Variants in BCAS3 observed in about 807,000 individuals in gnomAD.
BCAS3 encodes BCAS4/BCAS3 fusion.
BCAS3 carries 53 observed loss-of-function variants against 116.1 expected under a neutral mutation model. That is an observed-to-expected ratio of 0.46 (90% CI 0.37 to 0.57). The LOEUF (loss-of-function observed/expected upper bound fraction) is 0.57, where lower values mean the gene tolerates loss of function less well. BCAS3 is among the 20% of genes least tolerant of loss of function. The probability of loss-of-function intolerance (pLI) is 0.00; values close to 1 mark genes in which losing one functional copy is unlikely to be tolerated. For synonymous variants in BCAS3, 391 were observed against 408.2 expected (o/e 0.96, Z 0.51); for missense variants, 917 against 1,165.4 (o/e 0.79, Z 3.10).
chr17:61,202,504 A>T (rs2080898655), intron 22 of BCAS3, among the ~76,000 whole-genome samples: 1 of 151,426 alleles, frequency 6.6e-6, no homozygotes, highest in Admixed American at 6.6e-5. Flanking sequence ...TTTTTTTTTA[A>T]AATATTACTT....
rs1325091776 is a variant in BCAS3 at position 61,226,938 on chromosome 17, G to A, written c.2426-141389G>A. Reference sequence around the variant, plus strand: ...TTTAATTTGTTGCTTCTAGTCCTGAGGACCAGAAATCCAGATAAATAAAAT... The same window carrying A: ...TTTAATTTGTTGCTTCTAGTCCTGAAGACCAGAAATCCAGATAAATAAAAT... On this transcript the variant is annotated intron_variant, in intron 22 of 23. Coordinates refer to ENST00000407086, the MANE Select transcript of BCAS3 (RefSeq NM_017679.5). The surrounding 1 kb of genome is among the most constrained non-coding windows in gnomAD (Gnocchi z 6.0). Among the ~76,000 whole-genome samples, 1 of 152,070 alleles carries A rather than the reference G, an allele frequency of 6.6e-6. No homozygotes were observed. The highest frequency in any genetic ancestry group is 2.4e-5 in the African/African-American group (1 of 41,404).
chr17:60,799,099 A>G (rs1447624988), intron 6 of BCAS3, among the ~76,000 whole-genome samples: 1 of 152,162 alleles, frequency 6.6e-6, no homozygotes, highest in African/African-American at 2.4e-5. Context: ...TCTAGTCTGT[A>G]GCTTGTCTTC....
At chr17:60,773,691 A>G (rs758785878) in intron 6 of BCAS3, among the ~76,000 whole-genome samples, 2 of 151,938 alleles carry the variant, frequency 1.3e-5, no homozygotes, top group Non-Finnish European at 2.9e-5. Context: ...CCTGTTGTCC[A>G]GGCTGGAAAG....
rs75291755 is a variant in BCAS3 at position 61,008,851 on chromosome 17, G to T, written c.1487-6900G>T. On this transcript the variant is annotated intron_variant, in intron 15 of 23. Transcript: ENST00000407086. The surrounding 1 kb of genome is among the most constrained non-coding windows in gnomAD (Gnocchi z 4.6). ...AAAATAAAGGAGATATTTGGGACTG[G>T]GGCTGTTTCCGTAGAATTGTCTTCT... Among the ~76,000 whole-genome samples, 61 of 152,114 alleles carry T rather than the reference G, an allele frequency of 4.0e-4. No homozygotes were observed. In the East Asian group the frequency reaches 5.0e-3, roughly 12 times the overall value.
At chr17:61,009,329 C>T (rs1346807523) in intron 15 of BCAS3, among the ~76,000 whole-genome samples, 1 of 152,054 alleles carries the variant, frequency 6.6e-6, no homozygotes, top group Non-Finnish European at 1.5e-5. Flanking sequence ...GGACAGTGCT[C>T]TTTTTATCCT....
intron 13 of BCAS3, among the ~76,000 whole-genome samples, chr17:60,925,281 C>G (rs145741248): frequency 6.6e-6 from 1 of 152,204 alleles, no homozygotes; most frequent in Non-Finnish European, 1.5e-5. Context: ...GAAGTTAAGT[C>G]TAGAGGTATA....
intron 12 of BCAS3, among the ~76,000 whole-genome samples, chr17:60,911,119 C>CTTTTTTTTTTTTTTT (rs1567849303): frequency 6.8e-4 from 24 of 35,242 alleles, no homozygotes; most frequent in South Asian, 1.6e-3. Flanking sequence ...TTCTTTTTTT[C>CTTTTTTTTTTTTTTT]TTTCTTTTTT....
At position 61,347,883 on chromosome 17, in the gene BCAS3, G is replaced by T. The variant is rs1176374197; in HGVS notation, c.2426-20444G>T. 6.6e-6 allele frequency among the ~76,000 whole-genome samples: 1 copy of T among 152,316 alleles called. No individual in the cohort carries two copies. Among genetic ancestry groups the T allele is most frequent in the East Asian group, 1.9e-4 (1 of 5,184 alleles). Reference sequence around the variant, plus strand: ...AGATGCACAGACACAGGGGCAAGGCGCAAGGTGGGGTGTAGCGTTCAGAGT... The same window carrying T: ...AGATGCACAGACACAGGGGCAAGGCTCAAGGTGGGGTGTAGCGTTCAGAGT... On this transcript the variant is annotated intron_variant, in intron 22 of 23. Transcript: ENST00000407086. This position sits in a 1 kb window ranked among gnomAD's most constrained non-coding sequence, Gnocchi z 4.3.
chr17:61,382,419 C>A (rs1207755833), intron 23 of BCAS3, among the ~76,000 whole-genome samples: 2 of 151,506 alleles, frequency 1.3e-5, no homozygotes, highest in Non-Finnish European at 2.9e-5. Context: ...CGCCACCACA[C>A]CCAGCTAATT....
rs189757359 is a variant in BCAS3 at position 61,233,870 on chromosome 17, C to T, written c.2426-134457C>T. Among the ~76,000 whole-genome samples, 1 of 152,252 alleles carries T rather than the reference C, an allele frequency of 6.6e-6. No homozygotes were observed. The highest frequency in any genetic ancestry group is 1.5e-5 in the Non-Finnish European group (1 of 68,014). Reference sequence around the variant, plus strand: ...CTCTCTCTGGCTTCAGTTCTGGCCCCTGAGGCTCTTTCCTGTCTAGTTGAG... The same window carrying T: ...CTCTCTCTGGCTTCAGTTCTGGCCCTTGAGGCTCTTTCCTGTCTAGTTGAG... On this transcript the variant is annotated intron_variant, in intron 22 of 23. Coordinates refer to ENST00000407086, the MANE Select transcript of BCAS3 (RefSeq NM_017679.5). The surrounding 1 kb of genome is among the most constrained non-coding windows in gnomAD (Gnocchi z 4.3).
chr17:60,747,395 C>A (rs1046984805), intron 6 of BCAS3, 116 bp downstream of exon 6: 48 of 741,104 alleles, frequency 6.5e-5, no homozygotes, highest in African/African-American at 6.0e-4. Context: ...GTGTCCATTC[C>A]CCTTCCCCAC....
chr17:61,344,414 T>C lies in BCAS3; in HGVS notation c.2426-23913T>C, dbSNP rs1348149719. 1.3e-5 allele frequency among the ~76,000 whole-genome samples: 2 copies of C among 152,238 alleles called. No homozygotes were observed. The highest frequency in any genetic ancestry group is 2.9e-5 in the Non-Finnish European group (2 of 68,036). On this transcript the variant is annotated intron_variant, in intron 22 of 23. Transcript: ENST00000407086. This position sits in a 1 kb window ranked among gnomAD's most constrained non-coding sequence, Gnocchi z 4.1. ...GGACTTTCTTCCATCTGTGCACTGA[T>C]GTTAGTGTCCCGTTGTCATTTAAGT...
intron 22 of BCAS3, chr17:61,086,569 A>C (rs2073110172): frequency 2.0e-6 from 1 of 498,390 alleles, no homozygotes; most frequent in South Asian, 8.6e-5. Context: ...AGTAGTCCTA[A>C]GATTACTTAA....
intron 6 of BCAS3, among the ~76,000 whole-genome samples, chr17:60,773,874 T>A (rs923653818): frequency 1.3e-5 from 2 of 152,194 alleles, no homozygotes; most frequent in Admixed American, 6.5e-5. Context: ...CTCGAACACC[T>A]GCACTTAAGT....
chr17:61,005,916 T>C lies in BCAS3; in HGVS notation c.1487-9835T>C, dbSNP rs542755293. Among the ~76,000 whole-genome samples the C allele has an allele frequency of 3.3e-5, 5 of 152,170 alleles. No homozygotes were observed. The South Asian group carries it at 1.0e-3, about 32-fold the overall frequency. On this transcript the variant is annotated intron_variant, in intron 15 of 23. Coordinates refer to ENST00000407086, the MANE Select transcript of BCAS3 (RefSeq NM_017679.5). The stretch of plus-strand genomic sequence containing the variant: ...CACCCACTAACTTGTCATCTAGCAT[T>C]AGGTATATCTCCCAGTGCTATCCCT...
intron 22 of BCAS3, among the ~76,000 whole-genome samples, chr17:61,284,230 A>T (rs543566632): frequency 6.6e-6 from 1 of 152,148 alleles, no homozygotes; most frequent in East Asian, 1.9e-4. Context: ...CACCTCCCCC[A>T]CCCACACCAG....
chr17:61,235,260 G>C lies in BCAS3; in HGVS notation c.2426-133067G>C, dbSNP rs1449462821. Among the ~76,000 whole-genome samples, 4 of 152,214 alleles carry C rather than the reference G, an allele frequency of 2.6e-5. No homozygotes were observed. Among genetic ancestry groups the C allele is most frequent in the African/African-American group, 9.7e-5 (4 of 41,450 alleles). ...GTCTCTTTGAAAAGAGTGGCCAGGTGAAGGCTGAAGGACCGGATAAGTGTA... is the reference window on the plus strand; with the variant it reads ...GTCTCTTTGAAAAGAGTGGCCAGGTCAAGGCTGAAGGACCGGATAAGTGTA... On this transcript the variant is annotated intron_variant, in intron 22 of 23. Transcript: ENST00000407086. The surrounding 1 kb of genome is among the most constrained non-coding windows in gnomAD (Gnocchi z 5.0).
Position 61,063,157 on chromosome 17 carries a change from T to G in BCAS3, c.2030-11763T>G, listed in dbSNP as rs1053622448. Reference sequence around the variant, plus strand: ...ACCTTTGCTCTTGCCCACTTTTGCTTTGACTGCACCACTTCTGCCTTTTGG... The same window carrying G: ...ACCTTTGCTCTTGCCCACTTTTGCTGTGACTGCACCACTTCTGCCTTTTGG... On this transcript the variant is annotated intron_variant, in intron 19 of 23. Transcript: ENST00000407086. This position sits in a 1 kb window ranked among gnomAD's most constrained non-coding sequence, Gnocchi z 5.3. 1.3e-5 allele frequency among the ~76,000 whole-genome samples: 2 copies of G among 152,238 alleles called. No homozygotes were observed. Among genetic ancestry groups the G allele is most frequent in the African/African-American group, 4.8e-5 (2 of 41,474 alleles).
chr17:61,116,241 T>A (rs1406291805), intron 22 of BCAS3, among the ~76,000 whole-genome samples: 32 of 73,094 alleles, frequency 4.4e-4, no homozygotes, highest in African/African-American at 1.4e-3. Flanking sequence ...TAAAGTATAA[T>A]AAAAAAATAA....
Sources: allele counts gnomAD v4.1 joint callset (sites outside exome capture counted in the v4.1 genomes callset), GRCh38; gene constraint gnomAD v4.1.1; non-coding constraint Gnocchi (gnomAD v3.1); transcripts MANE v1.5; gene names NCBI Gene and HGNC (gene_info 2026-07-23, HGNC 2026-07-21).